Variants in FNTA observed in about 807,000 individuals in gnomAD.
FNTA encodes protein farnesyltransferase/geranylgeranyltransferase type-1 subunit alpha.
Under a neutral mutation model 55.2 loss-of-function variants are expected in FNTA, and 27 were observed. The ratio of observed to expected loss-of-function variants is 0.49; its 90% CI spans 0.36 to 0.67. The LOEUF is 0.67. Among genes scored for constraint, FNTA ranks in the 30% least tolerant of loss-of-function variants. The probability of loss-of-function intolerance (pLI) is 0.00; values close to 1 mark genes in which losing one functional copy is unlikely to be tolerated. For missense variants in FNTA, 422 were observed against 464.7 expected (o/e 0.91, Z 0.85); for synonymous variants, 176 against 170.7 (o/e 1.03, Z -0.24).
chr8:43,067,377 C>T (rs972933679), intron 3 of FNTA, among the ~76,000 whole-genome samples: 3 of 152,186 alleles, frequency 2.0e-5, no homozygotes, highest in Non-Finnish European at 2.9e-5. Flanking sequence ...TTCCAGTTGC[C>T]GTGGTATCTT....
chr8:43,080,210 G>A (rs1177426300), intron 6 of FNTA: 1 of 152,198 alleles, frequency 6.6e-6, no homozygotes, highest in Non-Finnish European at 1.5e-5. Context: ...AAGTTTTACT[G>A]TGAGTAAAAT....
Position 43,064,809 on chromosome 8 carries a change from C to T in FNTA, c.401+594C>T, listed in dbSNP as rs1438939593. Among the ~76,000 whole-genome samples, 3 of 151,236 alleles carry T rather than the reference C, an allele frequency of 2.0e-5. No homozygotes were observed. In the East Asian group the frequency reaches 5.8e-4, roughly 29 times the overall value. ...ATTTGCTTAACTGTTATTATTTTTT[C>T]ATTTTATTTTATTTTATTTTATATT... On this transcript the variant is annotated intron_variant, in intron 3 of 8. Coordinates refer to ENST00000302279, the MANE Select transcript of FNTA (RefSeq NM_002027.3).
At chr8:43,063,119 G>A (rs1314431494) in intron 2 of FNTA, among the ~76,000 whole-genome samples, 2 of 141,546 alleles carry the variant, frequency 1.4e-5, no homozygotes, top group East Asian at 2.1e-4. Context: ...ACAGTGTTGT[G>A]CTGTCACCCA....
chr8:43,083,987 T>C (rs1022960675), intron 7 of FNTA, among the ~76,000 whole-genome samples: 1 of 151,938 alleles, frequency 6.6e-6, no homozygotes, highest in South Asian at 2.1e-4. Flanking sequence ...GCACGAGAGT[T>C]GCTTGAACCT....
At chr8:43,085,138 A>G (rs200436800) in intron 8 of FNTA, 22 bp from the exon 9 acceptor site, 93 of 1,507,252 alleles carry the variant, frequency 6.2e-5, no homozygotes, top group Middle Eastern at 3.7e-4. Flanking sequence ...ATATTACTTT[A>G]ATTTTTATTT....
At chr8:43,082,458 A>G (rs1811044955) in intron 6 of FNTA, 1 of 152,204 alleles carries the variant, frequency 6.6e-6, no homozygotes, top group Admixed American at 6.5e-5. Flanking sequence ...TAGAGCTTAG[A>G]CTGTTTCCCC....
At chr8:43,081,151 G>C (rs1259917539) in intron 6 of FNTA, 2 of 136,272 alleles carry the variant, frequency 1.5e-5, no homozygotes, top group Non-Finnish European at 3.4e-5. Flanking sequence ...ATGTAGTTAT[G>C]GGGGGGGAAA....
At chr8:43,056,691 G>T (rs1810413177) in intron 1 of FNTA, 145 bp downstream of exon 1, 1 of 392,882 alleles carries the variant, frequency 2.5e-6, no homozygotes, top group African/African-American at 2.1e-5. Flanking sequence ...CTGGGCCCGG[G>T]CGGCTGCCGG....
chr8:43,083,149 C>A lies in FNTA; in HGVS notation c.814C>A (p.His272Asn). The change falls in exon 7 of 9, where the codon CAT becomes AAT. Residue 272 changes from histidine to asparagine, a missense_variant. Physicochemically the swap from His to Asn is moderately conservative, Grantham distance 68. Coordinates refer to ENST00000302279, the MANE Select transcript of FNTA (RefSeq NM_002027.3). ...TCTGGAAATGATTAAACTAGTACCA[C>A]ATAATGAAAGTGCATGGAACTATTT... ...YTLEMIKLVP[H>N]NESAWNYLKG... The A allele has an allele frequency of 6.3e-7, 1 of 1,586,542 alleles. No homozygotes were observed. The highest frequency in any genetic ancestry group is 8.6e-7 in the Non-Finnish European group (1 of 1,168,788).
At chr8:43,084,037 G>GC (rs943761974) in intron 7 of FNTA, among the ~76,000 whole-genome samples, 1 of 151,362 alleles carries the variant, frequency 6.6e-6, no homozygotes, top group African/African-American at 2.4e-5. Flanking sequence ...ACACCACTGT[G>GC]CCCCAGCCTG....
At chr8:43,076,715 TAA>T (rs1563329642) in intron 5 of FNTA, 1 of 152,134 alleles carries the variant, frequency 6.6e-6, no homozygotes. Flanking sequence ...CCATCTCTAC[TAA>T]AAATACAAAA....
chr8:43,058,500 G>T (rs1346584511), intron 1 of FNTA, among the ~76,000 whole-genome samples: 1 of 152,156 alleles, frequency 6.6e-6, no homozygotes, highest in African/African-American at 2.4e-5. Context: ...GGCAGGGAGC[G>T]GTGGCTCACA....
intron 4 of FNTA, among the ~76,000 whole-genome samples, chr8:43,071,909 T>A (rs1810801283): frequency 6.6e-6 from 1 of 152,160 alleles, no homozygotes; most frequent in Admixed American, 6.5e-5. Flanking sequence ...TTTTGTCTTG[T>A]CTCTCATTAT....
intron 1 of FNTA, among the ~76,000 whole-genome samples, chr8:43,058,699 C>T (rs1051736390): frequency 4.6e-5 from 7 of 152,126 alleles, no homozygotes; most frequent in African/African-American, 1.4e-4. Flanking sequence ...ATTGGTTGAA[C>T]CCAGGAGGCA....
At chr8:43,072,092 C>CT in intron 4 of FNTA, 89 bp from the exon 5 acceptor site, 1 of 1,032,500 alleles carries the variant, frequency 9.7e-7, no homozygotes, top group Non-Finnish European at 1.3e-6. Flanking sequence ...ATTGTGTGTC[C>CT]TTTCATGTCA....
chr8:43,062,676 T>C (rs1049217323), intron 2 of FNTA, among the ~76,000 whole-genome samples: 1 of 152,240 alleles, frequency 6.6e-6, no homozygotes, highest in Non-Finnish European at 1.5e-5. Flanking sequence ...TCTGATACTT[T>C]CAGTGTTACA....
At chr8:43,066,040 GTTC>G (rs768885623) in intron 3 of FNTA, among the ~76,000 whole-genome samples, 11 of 150,758 alleles carry the variant, frequency 7.3e-5, no homozygotes, top group Non-Finnish European at 1.5e-4. Context: ...ATTTTTCTGG[GTTC>G]TTCTGATAAT....
chr8:43,062,399 AG>A (rs927000611), intron 2 of FNTA, among the ~76,000 whole-genome samples: 1 of 151,786 alleles, frequency 6.6e-6, no homozygotes, highest in African/African-American at 2.4e-5. Flanking sequence ...CTCGTGCCTC[AG>A]CCTTCTGAGT....
At chr8:43,063,046 T>TAGCTGG (rs1345334934) in intron 2 of FNTA, among the ~76,000 whole-genome samples, 3 of 151,754 alleles carry the variant, frequency 2.0e-5, no homozygotes, top group Non-Finnish European at 4.4e-5. Context: ...GCCTCCCGAG[T>TAGCTGG]AGCTGGGAGT....
Sources: gnomAD v4.1 joint callset for allele counts (sites outside exome capture counted in the v4.1 genomes callset) on GRCh38, gnomAD v4.1.1 for gene constraint, MANE v1.5 for transcripts, NCBI Gene and HGNC (gene_info 2026-07-23, HGNC 2026-07-21) for gene names.